The following RO60 variants were observed in gnomAD, a reference collection of about 807,000 sequenced individuals.
RO60 encodes the protein RNA-binding protein RO60.
In RO60, 20 loss-of-function variants were observed where a neutral mutation model predicts 55.3. The ratio of observed to expected loss-of-function variants is 0.36; its 90% CI spans 0.25 to 0.53. The LOEUF (loss-of-function observed/expected upper bound fraction) is 0.53. Ranked by LOEUF, RO60 falls within the 20% of genes least tolerant of loss-of-function variation. The pLI is 0.92. For synonymous variants in RO60, 213 were observed against 213.6 expected (o/e 1.00, Z 0.02); for missense variants, 558 against 646.6 (o/e 0.86, Z 1.49).
intron 2 of RO60, among the ~76,000 whole-genome samples, chr1:193,075,494 T>G (rs1329673957): frequency 6.6e-6 from 1 of 151,912 alleles, no homozygotes; most frequent in Non-Finnish European, 1.5e-5. Context: ...ATCTGTACTC[T>G]CGTGAGTTGT....
chr1:193,091,026 T>C lies in RO60; in HGVS notation c.*6295T>C, dbSNP rs894296379. ...TGTTAACATCAGTAATATTTTATGA[T>C]AGTTTAAGGTTTTTTATTGTTTTCT... On this transcript the variant is annotated 3_prime_UTR_variant, in exon 9 of 9. Coordinates refer to ENST00000400968, the MANE Select transcript of RO60 (RefSeq NM_001173524.2). The C allele has an allele frequency of 6.6e-5, 10 of 152,238 alleles. No individual in the cohort carries two copies. The highest frequency in any genetic ancestry group is 1.5e-5 in the Non-Finnish European group (1 of 68,044). 9.4% of individuals were successfully genotyped at this position (152,238 alleles called of 1,614,324 possible).
At chr1:193,084,090 C>T (rs1009904207) in intron 8 of RO60, among the ~76,000 whole-genome samples, 5 of 152,140 alleles carry the variant, frequency 3.3e-5, no homozygotes, top group Non-Finnish European at 7.4e-5. Context: ...GTTGGTTTTT[C>T]TCAAAAATTC....
chr1:193,084,888 A>T lies in RO60; in HGVS notation c.*157A>T. 6.8e-7 allele frequency: 1 copy of T among 1,474,690 alleles called. No individual in the cohort carries two copies. Among genetic ancestry groups the T allele is most frequent in the Non-Finnish European group, 8.9e-7 (1 of 1,117,594 alleles). 91.4% of individuals were successfully genotyped at this position (1,474,690 alleles called of 1,614,324 possible). A position where few individuals can be genotyped will look rare whatever the true frequency, so the allele number is the denominator to read the frequency against. ...ACTGAAAAAAAAAAAAGAAGGAAAA[A>T]TAAGATGGGCCCAAAGGTCTATCTA... On this transcript the variant is annotated 3_prime_UTR_variant, in exon 9 of 9. Transcript: ENST00000400968.
At position 193,087,605 on chromosome 1, in the gene RO60, G is replaced by A. The variant is rs895065488; in HGVS notation, c.*2874G>A. 2 of 152,080 alleles carry A rather than the reference G, an allele frequency of 1.3e-5. No homozygotes were observed. The highest frequency in any genetic ancestry group is 2.9e-5 in the Non-Finnish European group (2 of 67,988). 9.4% of individuals were successfully genotyped at this position (152,080 alleles called of 1,614,324 possible). On this transcript the variant is annotated 3_prime_UTR_variant, in exon 9 of 9. Transcript: ENST00000400968. ...TTATCTAACTTACTGTGTGACTGTA[G>A]ACAACCAGTTTAACCTAAGTGATTT...
At chr1:193,067,081 A>G (rs1354470730) in intron 1 of RO60, among the ~76,000 whole-genome samples, 3 of 152,006 alleles carry the variant, frequency 2.0e-5, no homozygotes, top group African/African-American at 7.2e-5. Flanking sequence ...CACTCATAAT[A>G]CTTTTCTACT....
chr1:193,059,855 T>A lies in RO60; in HGVS notation c.-22+79T>A. On this transcript the variant is annotated intron_variant, in intron 1 of 8. Transcript: ENST00000400968. The surrounding 1 kb of genome is among the most constrained non-coding windows in gnomAD (Gnocchi z 4.9). ...CGCAAATTCTGACCAGTCCTCCATG[T>A]CTCTCACCCGCATCCCAGGGGTTGA... 4 of 1,363,512 alleles carry A rather than the reference T, an allele frequency of 2.9e-6. No homozygotes were observed. The highest frequency in any genetic ancestry group is 3.9e-6 in the Non-Finnish European group (4 of 1,020,576). 84.5% of individuals were successfully genotyped at this position (1,363,512 alleles called of 1,614,324 possible).
chr1:193,070,770 T>C (rs1003984113), intron 2 of RO60, among the ~76,000 whole-genome samples: 1 of 152,242 alleles, frequency 6.6e-6, no homozygotes, highest in Non-Finnish European at 1.5e-5. Context: ...TATTTTTATA[T>C]ACAGAATCTC....
chr1:193,075,195 G>T (rs1673821635), intron 2 of RO60, among the ~76,000 whole-genome samples: 1 of 151,912 alleles, frequency 6.6e-6, no homozygotes, highest in African/African-American at 2.4e-5. Context: ...CAGAGTATAG[G>T]CTAGAACCCA....
In RO60 at chr1:193,084,778, C is replaced by T. The variant is rs757417193; in HGVS notation, c.*47C>T. 1.9e-6 allele frequency: 3 copies of T among 1,585,102 alleles called. No homozygotes were observed. The highest frequency in any genetic ancestry group is 2.6e-6 in the Non-Finnish European group (3 of 1,167,270). Reference sequence around the variant, plus strand: ...AGAGATCCATTGCCATCAGTGATCTCACTAAAAATATACAGCTACTTCCCA... The same window carrying T: ...AGAGATCCATTGCCATCAGTGATCTTACTAAAAATATACAGCTACTTCCCA... On this transcript the variant is annotated 3_prime_UTR_variant, in exon 9 of 9. Coordinates refer to ENST00000400968, the MANE Select transcript of RO60 (RefSeq NM_001173524.2).
In RO60 at chr1:193,084,564, G is replaced by C; in HGVS notation, c.1465-15G>C. 6.2e-7 allele frequency: 1 copy of C among 1,601,222 alleles called. No individual in the cohort carries two copies. On this transcript the variant is annotated splice_polypyrimidine_tract_variant and intron_variant, in intron 8 of 8. Coordinates refer to ENST00000400968, the MANE Select transcript of RO60 (RefSeq NM_001173524.2). ...CATTTATGTTTTTAATATGTATTTT[G>C]GTCTTTTTCTACAGAAAATGGATAT...
intron 1 of RO60, among the ~76,000 whole-genome samples, chr1:193,064,432 T>A (rs1672979529): frequency 6.6e-6 from 1 of 152,192 alleles, no homozygotes. Context: ...GGGTATTATG[T>A]CCAAAGACCA....
rs1288665326 is a variant in RO60, at chr1:193,090,839, A to G, written c.*6108A>G. 2 of 152,094 alleles carry G rather than the reference A, an allele frequency of 1.3e-5. No homozygotes were observed. The highest frequency in any genetic ancestry group is 4.1e-4 in the South Asian group (2 of 4,828). 9.4% of individuals were successfully genotyped at this position (152,094 alleles called of 1,614,324 possible). ...TAAATAATGCCTTAATAGTGTTCTA[A>G]TGTTTCTGAAATACAGAACTCAAAG... On this transcript the variant is annotated 3_prime_UTR_variant, in exon 9 of 9. Coordinates refer to ENST00000400968, the MANE Select transcript of RO60 (RefSeq NM_001173524.2).
chr1:193,076,010 T>G lies in RO60; in HGVS notation c.771T>G (p.His257Gln), dbSNP rs779017489. The change falls in exon 3 of 9, where the codon CAT (histidine) becomes CAG (glutamine). Residue 257 changes from histidine (H) to glutamine (Q), a missense_variant. By Grantham distance (24) the His-to-Gln change is conservative. Coordinates refer to ENST00000400968, the MANE Select transcript of RO60 (RefSeq NM_001173524.2). ...AAGAACATAGATTAGTTAGAGAACA[T>G]CTTTTAACAAATCACTTAAAGTCTA... is the stretch of plus-strand genomic sequence containing the variant. ...LIEEHRLVRE[H>Q]LLTNHLKSKE... is the part of the protein sequence containing the mutation. 6.2e-7 allele frequency: 1 copy of G among 1,609,624 alleles called. No homozygotes were observed. The highest frequency in any genetic ancestry group is 8.5e-7 in the Non-Finnish European group (1 of 1,178,444).
chr1:193,081,741 A>G (rs1674326950), intron 6 of RO60, among the ~76,000 whole-genome samples: 1 of 152,160 alleles, frequency 6.6e-6, no homozygotes, highest in Admixed American at 6.5e-5. Context: ...TTTAGGAAGT[A>G]GATAATGCTT....
intron 2 of RO60, among the ~76,000 whole-genome samples, chr1:193,074,252 C>T (rs867486370): frequency 1.5e-4 from 22 of 150,744 alleles, no homozygotes; most frequent in Admixed American, 6.0e-4. Flanking sequence ...GTATATACCC[C>T]GTAATGGGAT....
chr1:193,085,086 C>T lies in RO60; in HGVS notation c.*355C>T. 3 of 1,481,438 alleles carry T rather than the reference C, an allele frequency of 2.0e-6. No homozygotes were observed. Among genetic ancestry groups the T allele is most frequent in the Non-Finnish European group, 2.7e-6 (3 of 1,120,340 alleles). 91.8% of individuals were successfully genotyped at this position (1,481,438 alleles called of 1,614,324 possible). ...TCCACATCATGTTACTTGAGAAGTG[C>T]TTAACGTTTTCTTAAATGTTTTCAT... On this transcript the variant is annotated 3_prime_UTR_variant, in exon 9 of 9. Transcript: ENST00000400968.
intron 5 of RO60, 128 bp from the exon 6 acceptor site, chr1:193,081,236 T>G: frequency 2.1e-6 from 1 of 480,956 alleles, no homozygotes; most frequent in Non-Finnish European, 3.8e-6. Context: ...TAGTTGTCAA[T>G]TGGTATATCA....
chr1:193,070,543 TGCACCGGAAG>T, intron 2 of RO60: 1 of 425,916 alleles, frequency 2.3e-6, no homozygotes, highest in Admixed American at 2.6e-5. Context: ...TTTTTTTTTT[TGCACCGGAAG>T]TGAAACTTGA....
chr1:193,090,498 T>C lies in RO60; in HGVS notation c.*5767T>C, dbSNP rs930462763. On this transcript the variant is annotated 3_prime_UTR_variant, in exon 9 of 9. Transcript: ENST00000400968. Reference sequence around the variant, plus strand: ...TAACTTCTGTAATGTATTTCAGTTATATGTTTTTCCTTTTATTGCCAGCTT... The same window carrying C: ...TAACTTCTGTAATGTATTTCAGTTACATGTTTTTCCTTTTATTGCCAGCTT... 2 of 151,824 alleles carry C rather than the reference T, an allele frequency of 1.3e-5. No homozygotes were observed. The highest frequency in any genetic ancestry group is 4.8e-5 in the African/African-American group (2 of 41,338). The allele number at this position is 151,824 out of a possible 1,614,324, so 9.4% of individuals were successfully genotyped here.
Sources: gnomAD v4.1 joint callset for allele counts (sites outside exome capture counted in the v4.1 genomes callset) on GRCh38, gnomAD v4.1.1 for gene constraint, Gnocchi (gnomAD v3.1) non-coding constraint, MANE v1.5 for transcripts, NCBI Gene and HGNC (gene_info 2026-07-23, HGNC 2026-07-21) for gene names.